The following KRTAP12-3 variants were observed in gnomAD, a reference collection of about 807,000 sequenced individuals.
The protein encoded by KRTAP12-3 is keratin-associated protein 12-3.
KRTAP12-3 carries 1 observed loss-of-function variant against 0.2 expected under a neutral mutation model. The observed-to-expected ratio is 4.14, with a 90% CI of 1.47 to 19.66. The LOEUF is 19.66. KRTAP12-3 is among the 30% of genes most tolerant of loss of function. The pLI is 0.11. For synonymous variants in KRTAP12-3, 61 were observed against 54.3 expected (o/e 1.12, Z -0.54); for missense variants, 116 against 128.2 (o/e 0.90, Z 0.46).
chr21:44,658,248 G>A lies in KRTAP12-3; in HGVS notation c.269G>A (p.Cys90Tyr), dbSNP rs1555942987. Reference protein sequence around the residue: ...CTTALCRPISCSTPSCC With the variant: ...CTTALCRPISYSTPSCC ...ACTGCCCTCTGCAGACCCATCTCCT[G>A]CAGCACCCCTTCCTGCTGCTGACCA... Residue 90 changes from cysteine to tyrosine, a missense_variant, in exon 1 of 1, where the codon TGC becomes TAC. Transcript: ENST00000397907. The A allele has an allele frequency of 1.2e-6, 2 of 1,613,670 alleles. No individual in the cohort carries two copies. The highest frequency in any genetic ancestry group is 3.3e-5 in the Admixed American group (2 of 59,994).
chr21:44,658,333 A>G lies in KRTAP12-3; in HGVS notation c.*63A>G, dbSNP rs1314053085. 1.1e-5 allele frequency: 17 copies of G among 1,488,966 alleles called. No individual in the cohort carries two copies. Among genetic ancestry groups the G allele is most frequent in the Non-Finnish European group, 1.6e-5 (17 of 1,079,900 alleles). 92.2% of individuals were successfully genotyped at this position (1,488,966 alleles called of 1,614,324 possible). ...CCCTCCGTGAATAAGCATCTGGTGG[A>G]CCCCCAGATTGCACACATAGGGCAG... On this transcript the variant is annotated 3_prime_UTR_variant, in exon 1 of 1. Transcript: ENST00000397907.
chr21:44,658,160 A>G lies in KRTAP12-3; in HGVS notation c.181A>G (p.Arg61Gly), dbSNP rs1555942937. Residue 61 changes from arginine (R) to glycine (G), a missense_variant, in exon 1 of 1, where the codon AGG (arginine) becomes GGG (glycine). Transcript: ENST00000397907. ...QPSVCVPVSC[R>G]PIIYVTPSCQ... ...CTCCGTGTGCGTGCCCGTGAGCTGC[A>G]GGCCCATCATATATGTGACTCCCTC... is the stretch of plus-strand genomic sequence containing the variant. The G allele has an allele frequency of 2.5e-6, 4 of 1,614,084 alleles. No homozygotes were observed.
At position 44,658,333 on chromosome 21, in the gene KRTAP12-3, AC is replaced by A; in HGVS notation, c.*68del. Reference sequence around the variant, plus strand: ...CCCTCCGTGAATAAGCATCTGGTGGACCCCCAGATTGCACACATAGGGCAGA... The same window carrying A: ...CCCTCCGTGAATAAGCATCTGGTGGACCCCAGATTGCACACATAGGGCAGA... On this transcript the variant is annotated 3_prime_UTR_variant, in exon 1 of 1. Transcript: ENST00000397907. The A allele has an allele frequency of 1.3e-6, 2 of 1,489,068 alleles. No homozygotes were observed. The highest frequency in any genetic ancestry group is 9.3e-7 in the Non-Finnish European group (1 of 1,079,880). 92.2% of individuals were successfully genotyped at this position (1,489,068 alleles called of 1,614,324 possible).
the KRTAP12-3 span, chr21:44,658,010 C>T: frequency 6.2e-7 from 1 of 1,613,836 alleles, no homozygotes; most frequent in East Asian, 2.2e-5. Context: ...CCCAGCCTGC[C>T]AGCCAACCTG....
At position 44,658,228 on chromosome 21, in the gene KRTAP12-3, C is replaced by A. The variant is rs1555942973; in HGVS notation, c.249C>A (p.Ala83=). 6.8e-6 allele frequency: 11 copies of A among 1,614,132 alleles called. No individual in the cohort carries two copies. The highest frequency in any genetic ancestry group is 9.3e-6 in the Non-Finnish European group (11 of 1,180,012). ...GCTGCCAGCCCCCCTGCACCACTGC[C>A]CTCTGCAGACCCATCTCCTGCAGCA... ...SGCCQPPCTT[A]LCRPISCSTP... The change falls in exon 1 of 1, where the codon GCC becomes GCA. Residue 83 remains alanine (A), a synonymous_variant. Coordinates refer to ENST00000397907, the MANE Select transcript of KRTAP12-3 (RefSeq NM_198697.2).
Position 44,658,221 on chromosome 21 carries a change from C to T in KRTAP12-3, c.242C>T (p.Thr81Ile). Residue 81 changes from threonine to isoleucine, a missense_variant, in exon 1 of 1, where the codon ACC (threonine) becomes ATC (isoleucine). Thr to Ile is a moderately conservative substitution (Grantham distance 89). Coordinates refer to ENST00000397907, the MANE Select transcript of KRTAP12-3 (RefSeq NM_198697.2). ...QSSGCCQPPC[T>I]TALCRPISCS... ...TCGGGGTGCTGCCAGCCCCCCTGCA[C>T]CACTGCCCTCTGCAGACCCATCTCC... 6.2e-7 allele frequency: 1 copy of T among 1,614,152 alleles called. No individual in the cohort carries two copies. Among genetic ancestry groups the T allele is most frequent in the Non-Finnish European group, 8.5e-7 (1 of 1,180,014 alleles).
Position 44,658,108 on chromosome 21 carries a change from T to G in KRTAP12-3, c.129T>G (p.Ile43Met). ...SVCMPVSCTR[I>M]VCVAPSCQPS... ...GCATGCCCGTGAGCTGCACGCGCAT[T>G]GTGTGCGTGGCTCCCTCCTGCCAGC... Residue 43 changes from isoleucine to methionine, a missense_variant, in exon 1 of 1, where the codon ATT becomes ATG. Coordinates refer to ENST00000397907, the MANE Select transcript of KRTAP12-3 (RefSeq NM_198697.2). 1.2e-6 allele frequency: 2 copies of G among 1,612,602 alleles called. No individual in the cohort carries two copies. Among genetic ancestry groups the G allele is most frequent in the Non-Finnish European group, 1.7e-6 (2 of 1,179,408 alleles).
rs1555942922 is a variant in KRTAP12-3 at position 44,658,113 on chromosome 21, G to T, written c.134G>T (p.Cys45Phe). ...CCCGTGAGCTGCACGCGCATTGTGT[G>T]CGTGGCTCCCTCCTGCCAGCCCTCC... ...CMPVSCTRIV[C>F]VAPSCQPSVC... Residue 45 changes from cysteine to phenylalanine, a missense_variant, in exon 1 of 1, where the codon TGC becomes TTC. Physicochemically the swap from Cys to Phe is radical, Grantham distance 205 (BLOSUM62 -2). Coordinates refer to ENST00000397907, the MANE Select transcript of KRTAP12-3 (RefSeq NM_198697.2). 6.2e-7 allele frequency: 1 copy of T among 1,613,516 alleles called. No individual in the cohort carries two copies. The highest frequency in any genetic ancestry group is 2.2e-5 in the East Asian group (1 of 44,862).
At position 44,658,181 on chromosome 21, in the gene KRTAP12-3, C is replaced by A. The variant is rs1555942943; in HGVS notation, c.202C>A (p.Pro68Thr). 4.3e-6 allele frequency: 7 copies of A among 1,614,180 alleles called. No individual in the cohort carries two copies. The highest frequency in any genetic ancestry group is 5.9e-6 in the Non-Finnish European group (7 of 1,180,008). Residue 68 changes from proline to threonine, a missense_variant, in exon 1 of 1, where the codon CCC becomes ACC. By Grantham distance (38) the Pro-to-Thr change is conservative. Transcript: ENST00000397907. ...VSCRPIIYVT[P>T]SCQSSGCCQP... ...CTGCAGGCCCATCATATATGTGACT[C>A]CCTCTTGCCAATCTTCGGGGTGCTG...
chr21:44,657,955 A>G lies in KRTAP12-3; in HGVS notation c.-25A>G, dbSNP rs1985250378. On this transcript the variant is annotated 5_prime_UTR_variant, in exon 1 of 1. Transcript: ENST00000397907. ...TCCAGACATCACCATCCTCCTCCCCAGTACCAGCCCAGCCACACGCCACCA... is the reference window on the plus strand; with the variant it reads ...TCCAGACATCACCATCCTCCTCCCCGGTACCAGCCCAGCCACACGCCACCA... The G allele has an allele frequency of 6.2e-7, 1 of 1,605,696 alleles. No individual in the cohort carries two copies. The highest frequency in any genetic ancestry group is 1.1e-5 in the South Asian group (1 of 90,008).
Position 44,658,021 on chromosome 21 carries a change from C to T in KRTAP12-3, c.42C>T (p.Cys14=). ...TSCSPACQPT[C]CIHSPCQASC... ...GCTCCCCAGCCTGCCAGCCAACCTG[C>T]TGCATACACAGCCCCTGCCAGGCAT... Residue 14 remains cysteine, a synonymous_variant, in exon 1 of 1, where the codon TGC becomes TGT. Transcript: ENST00000397907. 6.2e-7 allele frequency: 1 copy of T among 1,613,980 alleles called. No homozygotes were observed. The highest frequency in any genetic ancestry group is 8.5e-7 in the Non-Finnish European group (1 of 1,179,922).
In KRTAP12-3 at chr21:44,658,147, G is replaced by T; in HGVS notation, c.168G>T (p.Val56=). Residue 56 remains valine, a synonymous_variant, in exon 1 of 1, where the codon GTG becomes GTT. Transcript: ENST00000397907. ...CCTCCTGCCAGCCCTCCGTGTGCGT[G>T]CCCGTGAGCTGCAGGCCCATCATAT... ...VAPSCQPSVC[V]PVSCRPIIYV... 1 of 1,614,128 alleles carries T rather than the reference G, an allele frequency of 6.2e-7. No individual in the cohort carries two copies. The highest frequency in any genetic ancestry group is 8.5e-7 in the Non-Finnish European group (1 of 1,180,008).
chr21:44,657,966 A>C lies in KRTAP12-3; in HGVS notation c.-14A>C, dbSNP rs1555942869. On this transcript the variant is annotated 5_prime_UTR_variant, in exon 1 of 1. Transcript: ENST00000397907. The stretch of plus-strand genomic sequence containing the variant: ...CCATCCTCCTCCCCAGTACCAGCCC[A>C]GCCACACGCCACCATGTGCCACACC... 6.2e-7 allele frequency: 1 copy of C among 1,610,144 alleles called. No homozygotes were observed. Among genetic ancestry groups the C allele is most frequent in the Non-Finnish European group, 8.5e-7 (1 of 1,177,474 alleles).
At position 44,657,954 on chromosome 21, in the gene KRTAP12-3, C is replaced by T. The variant is rs782731380; in HGVS notation, c.-26C>T. ...TTCCAGACATCACCATCCTCCTCCCCAGTACCAGCCCAGCCACACGCCACC... is the reference window on the plus strand; with the variant it reads ...TTCCAGACATCACCATCCTCCTCCCTAGTACCAGCCCAGCCACACGCCACC... On this transcript the variant is annotated 5_prime_UTR_variant, in exon 1 of 1. Transcript: ENST00000397907. 1.9e-6 allele frequency: 3 copies of T among 1,605,126 alleles called. No individual in the cohort carries two copies. The African/African-American group carries it at 4.0e-5, about 21-fold the overall frequency.
Position 44,658,167 on chromosome 21 carries a change from T to A in KRTAP12-3, c.188T>A (p.Ile63Asn), listed in dbSNP as rs1601538536. The A allele has an allele frequency of 6.2e-7, 1 of 1,613,898 alleles. No homozygotes were observed. Among genetic ancestry groups the A allele is most frequent in the African/African-American group, 1.3e-5 (1 of 74,856 alleles). The change falls in exon 1 of 1, where the codon ATC (isoleucine) becomes AAC (asparagine). Residue 63 changes from isoleucine (I) to asparagine (N), a missense_variant. By Grantham distance (149) the Ile-to-Asn change is moderately radical. Coordinates refer to ENST00000397907, the MANE Select transcript of KRTAP12-3 (RefSeq NM_198697.2). ...TGCGTGCCCGTGAGCTGCAGGCCCA[T>A]CATATATGTGACTCCCTCTTGCCAA... ...SVCVPVSCRPIIYVTPSCQSS... is the reference protein window; with the variant it reads ...SVCVPVSCRPNIYVTPSCQSS...
chr21:44,658,043 G>C lies in KRTAP12-3; in HGVS notation c.64G>C (p.Ala22Pro). 1.2e-6 allele frequency: 2 copies of C among 1,613,766 alleles called. No individual in the cohort carries two copies. The highest frequency in any genetic ancestry group is 2.2e-5 in the South Asian group (2 of 91,050). ...CTGCTGCATACACAGCCCCTGCCAGGCATCCTGCTATGTGCCCGTGAGCTG... is the reference window on the plus strand; with the variant it reads ...CTGCTGCATACACAGCCCCTGCCAGCCATCCTGCTATGTGCCCGTGAGCTG... ...PTCCIHSPCQ[A>P]SCYVPVSCQS... Residue 22 changes from alanine (A) to proline (P), a missense_variant, in exon 1 of 1, where the codon GCA becomes CCA. Ala to Pro is a conservative substitution (Grantham distance 27). Coordinates refer to ENST00000397907, the MANE Select transcript of KRTAP12-3 (RefSeq NM_198697.2).
At position 44,658,139 on chromosome 21, in the gene KRTAP12-3, G is replaced by A. The variant is rs74937137; in HGVS notation, c.160G>A (p.Val54Met). 3.4e-3 allele frequency: 5,467 copies of A among 1,613,854 alleles called. 52 individuals are homozygous for A. The highest frequency in any genetic ancestry group is 0.032 in the African/African-American group (2,385 of 74,908). ...VCVAPSCQPS[V>M]CVPVSCRPII... ...CGTGGCTCCCTCCTGCCAGCCCTCCGTGTGCGTGCCCGTGAGCTGCAGGCC... is the reference window on the plus strand; with the variant it reads ...CGTGGCTCCCTCCTGCCAGCCCTCCATGTGCGTGCCCGTGAGCTGCAGGCC... The change falls in exon 1 of 1, where the codon GTG becomes ATG. Residue 54 changes from valine (V) to methionine (M), a missense_variant. Transcript: ENST00000397907.
chr21:44,658,047 CCTG>C lies in KRTAP12-3; in HGVS notation c.71_73del (p.Cys24del), dbSNP rs587757920. 697 of 1,613,962 alleles carry C rather than the reference CCTG, an allele frequency of 4.3e-4. 8 individuals are homozygous for C. In the South Asian group the frequency reaches 7.2e-3, roughly 17 times the overall value. ...TGCATACACAGCCCCTGCCAGGCATCCTGCTATGTGCCCGTGAGCTGCCAGTCC... is the reference window on the plus strand; with the variant it reads ...TGCATACACAGCCCCTGCCAGGCATCCTATGTGCCCGTGAGCTGCCAGTCC... On this transcript the variant is annotated inframe_deletion, in exon 1 of 1. Transcript: ENST00000397907.
In KRTAP12-3 at chr21:44,658,112, T is replaced by C; in HGVS notation, c.133T>C (p.Cys45Arg). Residue 45 changes from cysteine (C) to arginine (R), a missense_variant, in exon 1 of 1, where the codon TGC (cysteine) becomes CGC (arginine). Coordinates refer to ENST00000397907, the MANE Select transcript of KRTAP12-3 (RefSeq NM_198697.2). ...CMPVSCTRIV[C>R]VAPSCQPSVC... is the part of the protein sequence containing the mutation. ...GCCCGTGAGCTGCACGCGCATTGTG[T>C]GCGTGGCTCCCTCCTGCCAGCCCTC... is the stretch of plus-strand genomic sequence containing the variant. 1.2e-6 allele frequency: 2 copies of C among 1,613,818 alleles called. No individual in the cohort carries two copies. Among genetic ancestry groups the C allele is most frequent in the Non-Finnish European group, 1.7e-6 (2 of 1,179,856 alleles).
Sources: allele counts gnomAD v4.1 joint callset, GRCh38; gene constraint gnomAD v4.1.1; transcripts MANE v1.5; gene names NCBI Gene and HGNC (gene_info 2026-07-23, HGNC 2026-07-21).